PCLO: variants seen among roughly 807,000 people sequenced by gnomAD.
PCLO encodes piccolo presynaptic cytomatrix protein.
PCLO carries 82 observed loss-of-function variants against 427.5 expected under a neutral mutation model. That is an observed-to-expected ratio of 0.19 (90% CI 0.16 to 0.23). The LOEUF (loss-of-function observed/expected upper bound fraction) is 0.23, where lower values mean the gene tolerates loss of function less well. PCLO is among the 10% of genes least tolerant of loss of function. PCLO has a pLI of 1.00. For synonymous variants in PCLO, 2,357 were observed against 2,155.4 expected (o/e 1.09, Z -2.59); for missense variants, 6,239 against 6,115.9 (o/e 1.02, Z -0.67).
rs1002824070 is a variant in PCLO at position 82,873,164 on chromosome 7, T to C, written c.13654+6173A>G. The stretch of plus-strand genomic sequence containing the variant: ...GTATGATAGGTACATGGCTGTTTGC[T>C]ATATTATTCTGTAAGTTTTTTTTTT... On this transcript the variant is annotated intron_variant, in intron 10 of 24. Transcript: ENST00000333891. Among the ~76,000 whole-genome samples, 13 of 146,218 alleles carry C rather than the reference T, an allele frequency of 8.9e-5. No homozygotes were observed. The Admixed American group carries it at 9.3e-4, about 10-fold the overall frequency.
intron 14 of PCLO, 121 bp downstream of exon 14, chr7:82,841,338 A>G: frequency 1.5e-6 from 1 of 668,596 alleles, no homozygotes; most frequent in Non-Finnish European, 2.7e-6. Flanking sequence ...TTTTTCCTTT[A>G]CAGTTCTGTA....
Position 82,954,478 on chromosome 7 carries a change from G to C in PCLO, c.6475C>G (p.His2159Asp). 6.2e-7 allele frequency: 1 copy of C among 1,613,912 alleles called. No individual in the cohort carries two copies. The highest frequency in any genetic ancestry group is 1.1e-5 in the South Asian group (1 of 91,082). The part of the protein sequence containing the change: ...YTREIQEIIA[H>D]ESLILTYSEP... ...GAGTAGGTCAAAATCAGCGATTCATGGGCAATTATCTCTTGAATTTCTCTT... is the reference window on the plus strand; with the variant it reads ...GAGTAGGTCAAAATCAGCGATTCATCGGCAATTATCTCTTGAATTTCTCTT... Residue 2159 changes from histidine to aspartate, a missense_variant, in exon 5 of 25, where the codon CAT becomes GAT. Around this residue, in one of 5 missense-constraint regions of PCLO, gnomAD observed 4,677 missense variants for 4,468.4 expected, o/e 1.05. Coordinates refer to ENST00000333891, the MANE Select transcript of PCLO (RefSeq NM_033026.6).
intron 3 of PCLO, among the ~76,000 whole-genome samples, chr7:83,083,832 C>T (rs10487657): frequency 0.49 from 74,296 of 151,890 alleles, 18,308 homozygotes; most frequent in African/African-American, 0.51. Context: ...CCTCCAGTGG[C>T]GATGTATTTT....
chr7:83,031,712 A>ATCTC (rs35232098), intron 3 of PCLO, among the ~76,000 whole-genome samples: 24 of 142,598 alleles, frequency 1.7e-4, no homozygotes, highest in East Asian at 4.2e-4. Context: ...ATGAGTCTTA[A>ATCTC]TCTCTCTCTC....
At chr7:82,814,753 G>GA (rs1332347203) in intron 20 of PCLO, among the ~76,000 whole-genome samples, 3 of 151,854 alleles carry the variant, frequency 2.0e-5, no homozygotes, top group Admixed American at 1.3e-4. Context: ...GTACACTCGA[G>GA]AAAAAAATGA....
chr7:82,873,038 T>C (rs111726549), intron 10 of PCLO, among the ~76,000 whole-genome samples: 1,641 of 152,160 alleles, frequency 0.011, 8 homozygotes, highest in Middle Eastern at 0.027. Flanking sequence ...CAGAGGTTTG[T>C]GAGTTGAGGG....
rs887155017 is a variant in PCLO, at chr7:82,813,790, C to T, written c.14792-7961G>A. Among the ~76,000 whole-genome samples, 5 of 151,700 alleles carry T rather than the reference C, an allele frequency of 3.3e-5. No individual in the cohort carries two copies. In the East Asian group the frequency reaches 5.8e-4, roughly 18 times the overall value. On this transcript the variant is annotated intron_variant, in intron 20 of 24. Coordinates refer to ENST00000333891, the MANE Select transcript of PCLO (RefSeq NM_033026.6). ...TCATATTTTTCATAAATGATAAGCA[C>T]GTTTGCAAATATCCTTTTGGCATTA...
intron 3 of PCLO, among the ~76,000 whole-genome samples, chr7:83,023,374 T>C (rs868316964): frequency 6.6e-6 from 1 of 152,172 alleles, no homozygotes; most frequent in Non-Finnish European, 1.5e-5. Context: ...GAACACTCAA[T>C]AGAGGTGGTT....
At chr7:82,988,028 A>G (rs1583875292) in intron 3 of PCLO, among the ~76,000 whole-genome samples, 2 of 152,244 alleles carry the variant, frequency 1.3e-5, no homozygotes, top group African/African-American at 4.8e-5. Context: ...AACAAAATGA[A>G]TGAGTATGGA....
At chr7:83,059,329 AAT>A (rs1216590383) in intron 3 of PCLO, among the ~76,000 whole-genome samples, 2 of 137,318 alleles carry the variant, frequency 1.5e-5, no homozygotes, top group Non-Finnish European at 3.1e-5. Flanking sequence ...TATTATATAT[AAT>A]ATATATTTTA....
At chr7:83,071,116 A>G (rs943866211) in intron 3 of PCLO, among the ~76,000 whole-genome samples, 1 of 152,050 alleles carries the variant, frequency 6.6e-6, no homozygotes, top group Non-Finnish European at 1.5e-5. Context: ...TGTTAATTAT[A>G]TTCACACTGT....
At chr7:82,766,688 C>T (rs1168441293) in intron 22 of PCLO, among the ~76,000 whole-genome samples, 2 of 151,978 alleles carry the variant, frequency 1.3e-5, no homozygotes, top group African/African-American at 4.8e-5. Flanking sequence ...TCATAGTCTT[C>T]CATTATAGGC....
intron 22 of PCLO, among the ~76,000 whole-genome samples, chr7:82,792,156 G>T (rs1158805760): frequency 6.6e-6 from 1 of 151,962 alleles, no homozygotes; most frequent in Non-Finnish European, 1.5e-5. Context: ...GTACTTAATT[G>T]TAATACCTAC....
chr7:83,132,684 C>A (rs1197239105), intron 3 of PCLO, among the ~76,000 whole-genome samples: 1 of 151,972 alleles, frequency 6.6e-6, no homozygotes, highest in African/African-American at 2.4e-5. Context: ...TACTACACAC[C>A]CATTTTTAAG....
intron 22 of PCLO, among the ~76,000 whole-genome samples, chr7:82,784,752 T>C (rs1158051725): frequency 6.6e-6 from 1 of 152,222 alleles, no homozygotes. Flanking sequence ...TTTCTATCTA[T>C]TTATTCTGAA....
chr7:83,032,325 A>G (rs1788688828), intron 3 of PCLO, among the ~76,000 whole-genome samples: 1 of 152,012 alleles, frequency 6.6e-6, no homozygotes, highest in African/African-American at 2.4e-5. Context: ...CTTCTAATGC[A>G]ACAGCACAAG....
chr7:83,131,409 A>G (rs1161038796), intron 3 of PCLO, among the ~76,000 whole-genome samples: 1 of 152,046 alleles, frequency 6.6e-6, no homozygotes, highest in Non-Finnish European at 1.5e-5. Flanking sequence ...TTAATGAAGG[A>G]GAAAGAGGGA....
intron 2 of PCLO, among the ~76,000 whole-genome samples, chr7:83,145,797 T>A (rs1791979072): frequency 6.6e-6 from 1 of 152,154 alleles, no homozygotes; most frequent in Non-Finnish European, 1.5e-5. Context: ...TTACAAATAA[T>A]GAAACTAAAC....
intron 20 of PCLO, chr7:82,821,751 A>G (rs1251693865): frequency 9.2e-6 from 9 of 981,542 alleles, no homozygotes; most frequent in Non-Finnish European, 1.1e-5. Context: ...CATCACATAC[A>G]AAGTGTGATC....
Sources: allele counts gnomAD v4.1 joint callset (sites outside exome capture counted in the v4.1 genomes callset), GRCh38; gene constraint gnomAD v4.1.1; regional missense constraint gnomAD v4.1.1; transcripts MANE v1.5; gene names NCBI Gene and HGNC (gene_info 2026-07-23, HGNC 2026-07-21).